SDK1: variants seen among roughly 807,000 people sequenced by gnomAD.
The protein encoded by SDK1 is sidekick cell adhesion molecule 1.
A neutral mutation model predicts 245.5 loss-of-function variants in SDK1; 157 were observed. That is an observed-to-expected ratio of 0.64 (90% CI 0.56 to 0.73). SDK1 has a LOEUF of 0.73. Ranked by LOEUF, SDK1 falls within the 30% of genes least tolerant of loss-of-function variation. The probability of loss-of-function intolerance (pLI) is 0.00; values close to 1 mark genes in which losing one functional copy is unlikely to be tolerated. For synonymous variants in SDK1, 1,647 were observed against 1,278.5 expected, an observed-to-expected ratio of 1.29 and a Z score of -6.15; for missense variants, 3,583 against 3,002.3, an observed-to-expected ratio of 1.19 and a Z score of -4.52.
At chr7:3,885,857 CA>C (rs1485835430) in intron 5 of SDK1, among the ~76,000 whole-genome samples, 1 of 152,194 alleles carries the variant, frequency 6.6e-6, no homozygotes, top group East Asian at 1.9e-4. Context: ...ACTCATTTAG[CA>C]CTTTCTGGAG....
chr7:3,872,579 T>C (rs1780983521), intron 5 of SDK1, among the ~76,000 whole-genome samples: 2 of 111,924 alleles, frequency 1.8e-5, no homozygotes, highest in East Asian at 2.0e-4. Context: ...GTTTTTGGTA[T>C]CTTTTTTTTT....
rs1034565264 is a variant in SDK1, at chr7:3,748,902, TTTG to T, written c.714-72539_714-72537del. Among the ~76,000 whole-genome samples, 231 of 152,322 alleles carry T rather than the reference TTTG, an allele frequency of 1.5e-3. 4 individuals are homozygous for T. Among genetic ancestry groups the T allele is most frequent in the Non-Finnish European group, 1.0e-3 (70 of 68,028 alleles). The stretch of plus-strand genomic sequence containing the variant: ...ATGATTCATCCTGTCCAGACAATTT[TTTG>T]TTGTTGTTCTACAGGAATTCATTGA... On this transcript the variant is annotated intron_variant, in intron 4 of 44. Coordinates refer to ENST00000404826, the MANE Select transcript of SDK1 (RefSeq NM_152744.4).
intron 14 of SDK1, among the ~76,000 whole-genome samples, chr7:3,993,006 T>A (rs1453525939): frequency 6.6e-6 from 1 of 152,240 alleles, no homozygotes; most frequent in Non-Finnish European, 1.5e-5. Context: ...ACTTTCTCTT[T>A]TGATACAGTT....
intron 1 of SDK1, among the ~76,000 whole-genome samples, chr7:3,453,084 A>G (rs546935429): frequency 2.0e-5 from 3 of 152,160 alleles, no homozygotes; most frequent in South Asian, 2.1e-4. Flanking sequence ...TCACAGCACC[A>G]TTGGTACCCA....
Position 3,843,855 on chromosome 7 carries a change from TATAAA to T in SDK1, c.847+22276_847+22280del, listed in dbSNP as rs72071107. On this transcript the variant is annotated intron_variant, in intron 5 of 44. Transcript: ENST00000404826. ...AGCACAACAAAATGAAATAAAATCTTATAAAATAGATATATGAAGATGTATATGAA... is the reference window on the plus strand; with the variant it reads ...AGCACAACAAAATGAAATAAAATCTTATAGATATATGAAGATGTATATGAA... Among the ~76,000 whole-genome samples the T allele has an allele frequency of 9.1e-3, 1,381 of 152,352 alleles. 22 individuals carry two copies. The highest frequency in any genetic ancestry group is 0.032 in the African/African-American group (1,315 of 41,582).
At chr7:3,436,024 A>G (rs994839731) in intron 1 of SDK1, among the ~76,000 whole-genome samples, 1 of 152,236 alleles carries the variant, frequency 6.6e-6, no homozygotes, top group Non-Finnish European at 1.5e-5. Flanking sequence ...TGAGCTTAAT[A>G]TCATGTGATT....
intron 4 of SDK1, among the ~76,000 whole-genome samples, chr7:3,808,828 C>G (rs1028820950): frequency 3.3e-5 from 5 of 152,094 alleles, no homozygotes; most frequent in Non-Finnish European, 5.9e-5. Flanking sequence ...AATGCCATAC[C>G]TATCGTAGTA....
intron 11 of SDK1, among the ~76,000 whole-genome samples, chr7:3,969,887 G>A (rs1255673113): frequency 2.6e-5 from 4 of 152,160 alleles, no homozygotes; most frequent in Non-Finnish European, 5.9e-5. Flanking sequence ...TTCCGCTTTT[G>A]CTAAACAATT....
At chr7:3,840,219 G>A (rs192677334) in intron 5 of SDK1, among the ~76,000 whole-genome samples, 40 of 152,296 alleles carry the variant, frequency 2.6e-4, no homozygotes, top group Admixed American at 7.2e-4. Flanking sequence ...AGAGGCATAT[G>A]CGTAATTTTA....
At chr7:3,656,214 C>T (rs1269370039) in intron 4 of SDK1, among the ~76,000 whole-genome samples, 4 of 152,220 alleles carry the variant, frequency 2.6e-5, no homozygotes, top group South Asian at 2.1e-4. Context: ...TTCTCCTTTA[C>T]TTCCATCCCA....
chr7:4,171,738 C>T (rs192597144), intron 32 of SDK1, among the ~76,000 whole-genome samples: 1 of 152,372 alleles, frequency 6.6e-6, no homozygotes, highest in Non-Finnish European at 1.5e-5. Context: ...CTCCACCGTC[C>T]ATTTGAGAAT....
chr7:4,131,086 A>T (rs1267681724), intron 27 of SDK1, among the ~76,000 whole-genome samples: 1 of 152,178 alleles, frequency 6.6e-6, no homozygotes, highest in African/African-American at 2.4e-5. Context: ...CCAGGAGGGA[A>T]TGGGAATGTG....
rs1782056825 is a variant in SDK1 at position 4,174,415 on chromosome 7, A to G, written c.4936+58A>G. 1.0e-5 allele frequency: 16 copies of G among 1,543,638 alleles called. No homozygotes were observed. The East Asian group carries it at 3.4e-4, about 33-fold the overall frequency. On this transcript the variant is annotated intron_variant, in intron 33 of 44. Coordinates refer to ENST00000404826, the MANE Select transcript of SDK1 (RefSeq NM_152744.4). ...GGGAGGTTCCCAGGGGACCCTTGGT[A>G]TCTGCTCAGTGCACATCATGGTGGG...
intron 1 of SDK1, among the ~76,000 whole-genome samples, chr7:3,506,623 T>C (rs567354321): frequency 1.3e-5 from 2 of 152,278 alleles, no homozygotes; most frequent in African/African-American, 4.8e-5. Context: ...TTACTGAGAG[T>C]GTTTATTTCT....
At chr7:3,934,261 C>T (rs1780082433) in intron 5 of SDK1, among the ~76,000 whole-genome samples, 1 of 152,230 alleles carries the variant, frequency 6.6e-6, no homozygotes, top group African/African-American at 2.4e-5. Flanking sequence ...CCCCTTCCCT[C>T]TTATTTATCT....
At chr7:3,535,165 A>T (rs1342298746) in intron 1 of SDK1, among the ~76,000 whole-genome samples, 2 of 152,142 alleles carry the variant, frequency 1.3e-5, no homozygotes, top group Non-Finnish European at 2.9e-5. Context: ...AATCCCAGCT[A>T]CTCAGGAGAC....
intron 32 of SDK1, among the ~76,000 whole-genome samples, chr7:4,166,340 C>T (rs979974757): frequency 3.9e-5 from 6 of 152,242 alleles, no homozygotes; most frequent in African/African-American, 1.4e-4. Flanking sequence ...AGGCAGGCCA[C>T]AGAATGTGAA....
In SDK1 at chr7:3,547,400, G is replaced by T. The variant is rs73296247; in HGVS notation, c.299-71680G>T. The stretch of plus-strand genomic sequence containing the variant: ...TACCTTGGGCAAAGACTGTATCTGG[G>T]TGATAGATTGAGCTCTAGACAGTGA... On this transcript the variant is annotated intron_variant, in intron 1 of 44. Coordinates refer to ENST00000404826, the MANE Select transcript of SDK1 (RefSeq NM_152744.4). Among the ~76,000 whole-genome samples, 1,310 of 152,262 alleles carry T rather than the reference G, an allele frequency of 8.6e-3. 23 individuals are homozygous for T. Among genetic ancestry groups the T allele is most frequent in the African/African-American group, 0.03 (1,231 of 41,540 alleles).
chr7:3,382,061 C>T lies in SDK1; in HGVS notation c.298+80177C>T, dbSNP rs73296330. Among the ~76,000 whole-genome samples, 1,344 of 152,268 alleles carry T rather than the reference C, an allele frequency of 8.8e-3. 26 individuals are homozygous for T. The highest frequency in any genetic ancestry group is 0.031 in the African/African-American group (1,271 of 41,556). ...CAAAAAGCTAAACACCTTCCCTATG[C>T]ACAAGAAAAACCTATGCAGTAGGCG... On this transcript the variant is annotated intron_variant, in intron 1 of 44. Coordinates refer to ENST00000404826, the MANE Select transcript of SDK1 (RefSeq NM_152744.4).
Sources: allele counts gnomAD v4.1 joint callset (sites outside exome capture counted in the v4.1 genomes callset), GRCh38; gene constraint gnomAD v4.1.1; transcripts MANE v1.5; gene names NCBI Gene and HGNC (gene_info 2026-07-23, HGNC 2026-07-21).